BTG4: variants seen among roughly 807,000 people sequenced by gnomAD.
BTG4 encodes protein BTG4.
In BTG4, 10 loss-of-function variants were observed where a neutral mutation model predicts 19.3. The ratio of observed to expected loss-of-function variants is 0.52; its 90% CI spans 0.32 to 0.88. The LOEUF (loss-of-function observed/expected upper bound fraction) is 0.88, where lower values mean the gene tolerates loss of function less well. Ranked by LOEUF, BTG4 falls within the 40% of genes least tolerant of loss-of-function variation. The pLI is 0.04. For synonymous variants in BTG4, 91 were observed against 95.7 expected (o/e 0.95, Z 0.29); for missense variants, 238 against 281.9 (o/e 0.84, Z 1.11).
chr11:111,433,797 A>C, the BTG4 span, among the ~76,000 whole-genome samples: 1 of 152,268 alleles, frequency 6.6e-6, no homozygotes, highest in Non-Finnish European at 1.5e-5. Context: ...AGGCATATGA[A>C]AAAAATGCTC....
chr11:111,487,435 C>G (rs2135604249), intron 5 of BTG4, among the ~76,000 whole-genome samples: 1 of 152,186 alleles, frequency 6.6e-6, no homozygotes, highest in South Asian at 2.1e-4. Flanking sequence ...AAATACTCAA[C>G]AAATTGGGTA....
chr11:111,468,602 C>T (rs983550431), intron 5 of BTG4, among the ~76,000 whole-genome samples: 8 of 152,186 alleles, frequency 5.3e-5, no homozygotes, highest in African/African-American at 1.9e-4. Flanking sequence ...TTCATGCCAA[C>T]CTACTGTCTC....
chr11:111,416,297 C>CCTCTCTCTCCCTCTCTTTCT, the BTG4 span: 2 of 151,946 alleles, frequency 1.3e-5, no homozygotes, highest in African/African-American at 2.4e-5. Context: ...GGCCTCTCTT[C>CCTCTCTCTCCCTCTCTTTCT]CTCTCTCTCC....
At chr11:111,420,977 G>C in the BTG4 span, among the ~76,000 whole-genome samples, 1 of 152,338 alleles carries the variant, frequency 6.6e-6, no homozygotes, top group East Asian at 1.9e-4. Context: ...ACCTAGGCTA[G>C]TCCCTAAAAG....
the BTG4 span, chr11:111,455,860 G>A: frequency 6.6e-6 from 3 of 455,402 alleles, no homozygotes; most frequent in East Asian, 2.1e-4. Context: ...CGGCACTGGG[G>A]CGGAGCTACT....
chr11:111,423,048 G>A, the BTG4 span, among the ~76,000 whole-genome samples: 1 of 152,120 alleles, frequency 6.6e-6, no homozygotes, highest in East Asian at 1.9e-4. Context: ...GGACCCTGTA[G>A]CCAGTGACTC....
chr11:111,501,144 T>A (rs1003958187), intron 1 of BTG4, among the ~76,000 whole-genome samples: 1 of 151,870 alleles, frequency 6.6e-6, no homozygotes, highest in African/African-American at 2.4e-5. Flanking sequence ...GGCGAAAGGA[T>A]CACTTGAGGT....
At chr11:111,401,196 G>C in the BTG4 span, among the ~76,000 whole-genome samples, 108 of 151,218 alleles carry the variant, frequency 7.1e-4, no homozygotes, top group Middle Eastern at 0.01. Context: ...TAATATTAAA[G>C]AAAGCTGGGG....
chr11:111,491,014 T>A (rs1331012613), downstream of BTG4, among the ~76,000 whole-genome samples: 1 of 152,208 alleles, frequency 6.6e-6, no homozygotes, highest in African/African-American at 2.4e-5. Flanking sequence ...CTGTGATGTA[T>A]CCATACCACG....
chr11:111,488,749 GA>G (rs1239251507), intron 5 of BTG4, among the ~76,000 whole-genome samples: 1 of 152,044 alleles, frequency 6.6e-6, no homozygotes, highest in African/African-American at 2.4e-5. Flanking sequence ...ACTCAATAGG[GA>G]AAAAAATTCA....
At chr11:111,463,167 C>T (rs1863505336), downstream of BTG4, 1 of 152,656 alleles carries the variant, frequency 6.6e-6, no homozygotes, top group Non-Finnish European at 1.5e-5. Flanking sequence ...TGTTGCACAC[C>T]CAGGTGCTGA....
At chr11:111,481,532 C>T (rs1203704568) in intron 5 of BTG4, among the ~76,000 whole-genome samples, 1 of 151,660 alleles carries the variant, frequency 6.6e-6, no homozygotes, top group African/African-American at 2.4e-5. Context: ...AAAATTAGAA[C>T]TGTAGACCAA....
chr11:111,396,507 A>G, the BTG4 span, among the ~76,000 whole-genome samples: 1 of 152,174 alleles, frequency 6.6e-6, no homozygotes, highest in Non-Finnish European at 1.5e-5. Context: ...GTTTTTTGTC[A>G]AAAGCTAGTG....
the BTG4 span, chr11:111,399,295 C>A: frequency 1.3e-5 from 2 of 152,214 alleles, no homozygotes; most frequent in African/African-American, 4.8e-5. Context: ...TTTGACTGAA[C>A]CCCTGGATAC....
At chr11:111,509,866 G>A (rs1866737878) in intron 1 of BTG4, among the ~76,000 whole-genome samples, 2 of 7,728 alleles carry the variant, frequency 2.6e-4, no homozygotes, top group African/African-American at 2.8e-4. Context: ...GGAGGGATAT[G>A]TTGTCTCCAA....
chr11:111,505,021 A>G (rs1866351619), intron 1 of BTG4, among the ~76,000 whole-genome samples: 1 of 152,088 alleles, frequency 6.6e-6, no homozygotes, highest in African/African-American at 2.4e-5. Flanking sequence ...AAGAATTAAT[A>G]TGGTTAAAAT....
the BTG4 span, among the ~76,000 whole-genome samples, chr11:111,387,793 G>C: frequency 6.6e-6 from 1 of 152,192 alleles, no homozygotes; most frequent in Non-Finnish European, 1.5e-5. Flanking sequence ...TTATGTCATG[G>C]AGCTTGGGGG....
the BTG4 span, among the ~76,000 whole-genome samples, chr11:111,435,545 T>C: frequency 1.3e-5 from 2 of 152,174 alleles, no homozygotes; most frequent in Non-Finnish European, 2.9e-5. Context: ...AAAGGAATTC[T>C]TTGGCTGAGT....
At chr11:111,509,911 C>CTTTTTTCT (rs1866746966) in intron 1 of BTG4, among the ~76,000 whole-genome samples, 2 of 114,726 alleles carry the variant, frequency 1.7e-5, no homozygotes, top group Non-Finnish European at 1.9e-5. Flanking sequence ...TTTCTTTTTT[C>CTTTTTTCT]TTTTTTTTTT....
Sources: gnomAD v4.1 joint callset for allele counts (sites outside exome capture counted in the v4.1 genomes callset) on GRCh38, gnomAD v4.1.1 for gene constraint, MANE v1.5 for transcripts, NCBI Gene and HGNC (gene_info 2026-07-23, HGNC 2026-07-21) for gene names.